DYNC2LI1: variants seen among roughly 807,000 people sequenced by gnomAD.
DYNC2LI1 encodes cytoplasmic dynein 2 light intermediate chain 1.
In DYNC2LI1, 45 loss-of-function variants were observed where a neutral mutation model predicts 51.9. The ratio of observed to expected loss-of-function variants is 0.87; its 90% CI spans 0.68 to 1.11. The LOEUF (loss-of-function observed/expected upper bound fraction) is 1.11, where lower values mean the gene tolerates loss of function less well. Among genes scored for constraint, DYNC2LI1 ranks in the 50% most tolerant of loss-of-function variants. The probability of loss-of-function intolerance (pLI) is 0.00; values close to 1 mark genes in which losing one functional copy is unlikely to be tolerated. For synonymous variants in DYNC2LI1, 130 were observed against 137.8 expected (o/e 0.94, Z 0.40); for missense variants, 490 against 417.4 (o/e 1.17, Z -1.51).
chr2:43,787,177 A>G lies in DYNC2LI1; in HGVS notation c.162-4A>G, dbSNP rs770637671. 2 of 1,610,206 alleles carry G rather than the reference A, an allele frequency of 1.2e-6. No homozygotes were observed. Among genetic ancestry groups the G allele is most frequent in the Non-Finnish European group, 1.7e-6 (2 of 1,176,836 alleles). ...TGATAATACTATCGGCCTTTATTAT[A>G]CAGAGATGAACCACCAAAACCAACC... On this transcript the variant is annotated splice_region_variant and splice_polypyrimidine_tract_variant and intron_variant, in intron 3 of 12. Coordinates refer to ENST00000260605, the MANE Select transcript of DYNC2LI1 (RefSeq NM_016008.4).
intron 12 of DYNC2LI1, among the ~76,000 whole-genome samples, chr2:43,807,158 G>A (rs915665483): frequency 1.2e-4 from 18 of 152,028 alleles, no homozygotes; most frequent in African/African-American, 4.3e-4. Context: ...GAGTAGTTGT[G>A]AGACCTTAAG....
At chr2:43,826,516 T>C in the DYNC2LI1 span, 1 of 1,614,206 alleles carries the variant, frequency 6.2e-7, no homozygotes, top group East Asian at 2.2e-5. Context: ...TCAAACAGCA[T>C]GACCTCTGCC....
chr2:43,816,203 A>G, the DYNC2LI1 span, among the ~76,000 whole-genome samples: 5 of 152,236 alleles, frequency 3.3e-5, no homozygotes, highest in Admixed American at 3.3e-4. Context: ...CTCAACAAAT[A>G]ATGTTTGCAG....
At chr2:43,824,169 G>T in the DYNC2LI1 span, 1 of 1,613,876 alleles carries the variant, frequency 6.2e-7, no homozygotes, top group Non-Finnish European at 8.5e-7. Flanking sequence ...GTTATTGGGG[G>T]ATGGCTAAAG....
At chr2:43,815,675 C>T in the DYNC2LI1 span, among the ~76,000 whole-genome samples, 5 of 151,924 alleles carry the variant, frequency 3.3e-5, no homozygotes, top group Non-Finnish European at 4.4e-5. Context: ...ACAGGTATGC[C>T]AAGGGCTGCA....
chr2:43,819,792 A>G, the DYNC2LI1 span: 1 of 1,049,850 alleles, frequency 9.5e-7, no homozygotes, highest in Non-Finnish European at 1.5e-6. Context: ...TAAATGCTCT[A>G]GACTATAAGG....
chr2:43,816,075 G>C, the DYNC2LI1 span, among the ~76,000 whole-genome samples: 2 of 152,160 alleles, frequency 1.3e-5, no homozygotes, highest in Non-Finnish European at 1.5e-5. Flanking sequence ...ACCACACAGA[G>C]TCAAACACAA....
the DYNC2LI1 span, chr2:43,822,952 G>A: frequency 6.2e-7 from 1 of 1,613,340 alleles, no homozygotes; most frequent in Non-Finnish European, 8.5e-7. Flanking sequence ...ATGGAAGGCA[G>A]GTTTCAGAAC....
chr2:43,791,002 G>A (rs1055171195), intron 5 of DYNC2LI1, among the ~76,000 whole-genome samples: 1 of 152,076 alleles, frequency 6.6e-6, no homozygotes, highest in African/African-American at 2.4e-5. Context: ...ATCACTTGAG[G>A]TCTGGAGTTC....
chr2:43,824,134 C>G, the DYNC2LI1 span: 16 of 1,614,032 alleles, frequency 9.9e-6, no homozygotes, highest in Non-Finnish European at 1.4e-5. Context: ...AACAAACAAC[C>G]CTGTTTTAAT....
chr2:43,778,134 C>A (rs1341844460), intron 2 of DYNC2LI1, among the ~76,000 whole-genome samples: 1 of 152,072 alleles, frequency 6.6e-6, no homozygotes, highest in Admixed American at 6.5e-5. Flanking sequence ...AAAATTTTAA[C>A]CCAACTATAT....
intron 1 of DYNC2LI1, 110 bp from the exon 2 acceptor site, chr2:43,776,672 A>G (rs546819390): frequency 3.6e-6 from 2 of 555,868 alleles, no homozygotes; most frequent in Non-Finnish European, 6.4e-6. Flanking sequence ...TCAGAAAATA[A>G]TGTTCATTTG....
intron 1 of DYNC2LI1, among the ~76,000 whole-genome samples, chr2:43,775,960 C>A (rs1672999866): frequency 6.7e-6 from 1 of 149,370 alleles, no homozygotes; most frequent in Admixed American, 6.7e-5. Flanking sequence ...CCACCTTGGC[C>A]TCCTAAAGTG....
chr2:43,819,343 A>G, the DYNC2LI1 span, among the ~76,000 whole-genome samples: 1 of 152,206 alleles, frequency 6.6e-6, no homozygotes, highest in South Asian at 2.1e-4. Flanking sequence ...CATTGATAAA[A>G]TACAGAAATA....
chr2:43,821,926 C>T, the DYNC2LI1 span, among the ~76,000 whole-genome samples: 1 of 152,070 alleles, frequency 6.6e-6, no homozygotes, highest in African/African-American at 2.4e-5. Flanking sequence ...TAGCTGCTTG[C>T]ATCCTTGATC....
chr2:43,789,536 G>C (rs1673681104), intron 4 of DYNC2LI1, 97 bp from the exon 5 acceptor site: 1 of 998,812 alleles, frequency 1.0e-6, no homozygotes, highest in South Asian at 1.7e-5. Context: ...GTTGATTAAG[G>C]ACTGCAATAT....
At chr2:43,824,941 G>A in the DYNC2LI1 span, 1 of 1,614,064 alleles carries the variant, frequency 6.2e-7, no homozygotes, top group Non-Finnish European at 8.5e-7. Context: ...CGCAGTCATT[G>A]AAGAAATCAA....
chr2:43,784,431 A>T (rs1269816679), intron 3 of DYNC2LI1, among the ~76,000 whole-genome samples: 1 of 152,042 alleles, frequency 6.6e-6, no homozygotes, highest in Non-Finnish European at 1.5e-5. Context: ...GAAAAGTATT[A>T]ATTTCTTTCT....
rs3815995 is a variant in DYNC2LI1 at position 43,783,481 on chromosome 2, G to A, written c.127-39G>A. 0.34 allele frequency: 490,342 copies of A among 1,436,768 alleles called. 90,204 individuals are homozygous for A. The highest frequency in any genetic ancestry group is 0.67 in the African/African-American group (44,809 of 67,356). 89.0% of individuals were successfully genotyped at this position (1,436,768 alleles called of 1,614,324 possible). A position where few individuals can be genotyped will look rare whatever the true frequency, so the allele number is the denominator to read the frequency against. ...ACAATAATACAATTTTTACATATGA[G>A]TGACATTAACGCAGTGTTCCTTCTT... On this transcript the variant is annotated intron_variant, in intron 2 of 12. Transcript: ENST00000260605.
Sources: gnomAD v4.1 joint callset for allele counts (sites outside exome capture counted in the v4.1 genomes callset) on GRCh38, gnomAD v4.1.1 for gene constraint, MANE v1.5 for transcripts, NCBI Gene and HGNC (gene_info 2026-07-23, HGNC 2026-07-21) for gene names.